The following RBP7 variants were observed in gnomAD, a reference collection of about 807,000 sequenced individuals.
RBP7 encodes the protein retinol binding protein 7, also known as retinoid-binding protein 7.
A neutral mutation model predicts 16.7 loss-of-function variants in RBP7; 13 were observed. The observed-to-expected ratio is 0.78, with a 90% CI of 0.51 to 1.24. The LOEUF (loss-of-function observed/expected upper bound fraction) is 1.24, where lower values mean the gene tolerates loss of function less well. Ranked by LOEUF, RBP7 falls within the 50% of genes most tolerant of loss-of-function variation. The pLI is 0.00. For missense variants in RBP7, 145 were observed against 159.5 expected (o/e 0.91, Z 0.49); for synonymous variants, 54 against 56.2 (o/e 0.96, Z 0.17).
intron 1 of RBP7, among the ~76,000 whole-genome samples, chr1:10,005,587 G>T (rs373941404): frequency 6.8e-6 from 1 of 147,998 alleles, no homozygotes; most frequent in Non-Finnish European, 1.5e-5. Context: ...TTTTTGAGAC[G>T]GAGTCTTGCT....
At position 10,008,247 on chromosome 1, in the gene RBP7, T is replaced by C; in HGVS notation, c.327T>C (p.His109=). 1.2e-6 allele frequency: 2 copies of C among 1,612,108 alleles called. No individual in the cohort carries two copies. The highest frequency in any genetic ancestry group is 1.7e-6 in the Non-Finnish European group (2 of 1,178,542). ...AAAAGAAGAACAGAGGCTGGACCCA[T>C]TGGATCGAAGGAGACAAACTCCACC... is the stretch of plus-strand genomic sequence containing the variant. ...KGEKKNRGWT[H]WIEGDKLHLE... is the part of the protein sequence containing the mutation. The change falls in exon 3 of 4, where the codon CAT becomes CAC. Residue 109 remains histidine, a synonymous_variant. Transcript: ENST00000294435.
rs1642193234 is a variant in RBP7 at position 9,997,384 on chromosome 1, T to C, written c.73+53T>C. On this transcript the variant is annotated intron_variant, in intron 1 of 3. Transcript: ENST00000294435. This position sits in a 1 kb window ranked among gnomAD's most constrained non-coding sequence, Gnocchi z 5.9. Reference sequence around the variant, plus strand: ...GCGAGGCTCGCCGTGGGTCTCGGGATCAGGCGAAGGCGGCCGGGCCGGGCC... The same window carrying C: ...GCGAGGCTCGCCGTGGGTCTCGGGACCAGGCGAAGGCGGCCGGGCCGGGCC... The C allele has an allele frequency of 3.2e-6, 5 of 1,569,288 alleles. No homozygotes were observed. Among genetic ancestry groups the C allele is most frequent in the Middle Eastern group, 3.5e-4 (2 of 5,788 alleles).
chr1:10,014,948 C>T (rs1642738328), intron 3 of RBP7, among the ~76,000 whole-genome samples: 2 of 152,084 alleles, frequency 1.3e-5, no homozygotes, highest in Non-Finnish European at 2.9e-5. Context: ...ATTAAATTGG[C>T]TTACTGGACA....
chr1:10,011,795 G>A (rs1418818289), intron 3 of RBP7, among the ~76,000 whole-genome samples: 4 of 152,178 alleles, frequency 2.6e-5, no homozygotes, highest in African/African-American at 9.6e-5. Context: ...ACGGGTTCAC[G>A]CCTGTAATCC....
Position 9,997,339 on chromosome 1 carries a change from G to T in RBP7, c.73+8G>T, listed in dbSNP as rs770377172. 4.3e-6 allele frequency: 7 copies of T among 1,609,756 alleles called. No individual in the cohort carries two copies. The highest frequency in any genetic ancestry group is 5.9e-6 in the Non-Finnish European group (7 of 1,178,496). ...GCTACATGCTGGCCCTAGGTAAGGCGGAGGGGAGGCGGCGGCGGCGCGAGG... is the reference window on the plus strand; with the variant it reads ...GCTACATGCTGGCCCTAGGTAAGGCTGAGGGGAGGCGGCGGCGGCGCGAGG... On this transcript the variant is annotated splice_region_variant and intron_variant, in intron 1 of 3. Coordinates refer to ENST00000294435, the MANE Select transcript of RBP7 (RefSeq NM_052960.3). The surrounding 1 kb of genome is among the most constrained non-coding windows in gnomAD (Gnocchi z 5.9).
At position 9,997,287 on chromosome 1, in the gene RBP7, C is replaced by T; in HGVS notation, c.29C>T (p.Thr10Ile). 2 of 1,611,108 alleles carry T rather than the reference C, an allele frequency of 1.2e-6. No individual in the cohort carries two copies. The highest frequency in any genetic ancestry group is 1.7e-6 in the Non-Finnish European group (2 of 1,179,048). MPADLSGTW[T>I]LLSSDNFEGY... ...CCCGCCGACCTCAGCGGTACTTGGA[C>T]CCTGCTCAGCAGCGACAACTTCGAG... The change falls in exon 1 of 4, where the codon ACC becomes ATC. Residue 10 changes from threonine (T) to isoleucine (I), a missense_variant. By Grantham distance (89) the Thr-to-Ile change is moderately conservative. Transcript: ENST00000294435. This position sits in a 1 kb window ranked among gnomAD's most constrained non-coding sequence, Gnocchi z 5.9.
intron 3 of RBP7, among the ~76,000 whole-genome samples, chr1:10,012,980 A>G (rs919607953): frequency 3.3e-5 from 5 of 150,964 alleles, no homozygotes; most frequent in African/African-American, 1.2e-4. Flanking sequence ...AAATGTGTAC[A>G]TCCTTCTCTA....
At chr1:10,009,359 AAG>A (rs1429147374) in intron 3 of RBP7, among the ~76,000 whole-genome samples, 1 of 151,994 alleles carries the variant, frequency 6.6e-6, no homozygotes, top group Non-Finnish European at 1.5e-5. Context: ...GCAGTGAGCC[AAG>A]ATCGCACCAC....
At position 10,011,327 on chromosome 1, in the gene RBP7, G is replaced by A. The variant is rs530219878; in HGVS notation, c.354+3053G>A. On this transcript the variant is annotated intron_variant, in intron 3 of 3. Transcript: ENST00000294435. ...AACAGGGAAGTGAGTCTGTAATTAA[G>A]ATCAACAGTAGAGGGAAGTCTTCTC... Among the ~76,000 whole-genome samples the A allele has an allele frequency of 2.0e-4, 30 of 152,226 alleles. No individual in the cohort carries two copies. In the South Asian group the frequency reaches 5.0e-3, roughly 25 times the overall value.
intron 2 of RBP7, 38 bp from the exon 3 acceptor site, chr1:10,008,135 G>T (rs776388238): frequency 3.0e-6 from 4 of 1,350,838 alleles, no homozygotes; most frequent in Non-Finnish European, 4.3e-6. Context: ...TGAGGATCCT[G>T]CCAGGACAAG....
At chr1:10,010,571 C>G in intron 3 of RBP7, among the ~76,000 whole-genome samples, 1 of 151,636 alleles carries the variant, frequency 6.6e-6, no homozygotes, top group Non-Finnish European at 1.5e-5. Context: ...CACCCGCCAC[C>G]ATGCCCAGCT....
At position 10,008,199 on chromosome 1, in the gene RBP7, G is replaced by T. The variant is rs1642502047; in HGVS notation, c.279G>T (p.Arg93Ser). ...GTTTGGTTATCTGGGACAATGACAG[G>T]CTCACCTGTATCCAGAAGGGAGAAA... ...CKSLVIWDND[R>S]LTCIQKGEKK... Residue 93 changes from arginine (R) to serine (S), a missense_variant, in exon 3 of 4, where the codon AGG (arginine) becomes AGT (serine). Physicochemically the swap from Arg to Ser is moderately radical, Grantham distance 110. Coordinates refer to ENST00000294435, the MANE Select transcript of RBP7 (RefSeq NM_052960.3). 6 of 1,612,540 alleles carry T rather than the reference G, an allele frequency of 3.7e-6. No individual in the cohort carries two copies. The highest frequency in any genetic ancestry group is 5.1e-6 in the Non-Finnish European group (6 of 1,178,940).
intron 1 of RBP7, among the ~76,000 whole-genome samples, chr1:10,004,504 T>TTGCC (rs1368847791): frequency 4.0e-5 from 6 of 151,474 alleles, no homozygotes; most frequent in African/African-American, 1.5e-4. Context: ...GCCTCTGGAG[T>TTGCC]AGCTGGGATT....
chr1:10,000,542 T>C (rs1043998719), intron 1 of RBP7, among the ~76,000 whole-genome samples: 1 of 150,136 alleles, frequency 6.7e-6, no homozygotes, highest in Non-Finnish European at 1.5e-5. Context: ...TCAAAAAAAA[T>C]AAGTCAATAA....
chr1:10,007,273 A>C (rs994796055), intron 1 of RBP7: 28 of 321,228 alleles, frequency 8.7e-5, no homozygotes, highest in Middle Eastern at 2.1e-3. Context: ...TTATAGAGAC[A>C]GGGTCTTGCT....
intron 3 of RBP7, among the ~76,000 whole-genome samples, chr1:10,011,851 G>A (rs1360828199): frequency 1.3e-5 from 2 of 152,100 alleles, no homozygotes; most frequent in Admixed American, 6.6e-5. Flanking sequence ...GAGGTCAGGA[G>A]TTCGAGACCA....
intron 3 of RBP7, among the ~76,000 whole-genome samples, chr1:10,012,740 C>A (rs1375594223): frequency 6.6e-6 from 1 of 151,826 alleles, no homozygotes; most frequent in East Asian, 1.9e-4. Context: ...TCGAGACCAG[C>A]CTGGCCAGCA....
chr1:10,000,059 C>G (rs1035671484), intron 1 of RBP7, among the ~76,000 whole-genome samples: 6 of 149,764 alleles, frequency 4.0e-5, no homozygotes, highest in African/African-American at 1.5e-4. Flanking sequence ...GAAGCCCCAC[C>G]TCTACTAAAA....
In RBP7 at chr1:10,008,092, C is replaced by A. The variant is rs1642500234; in HGVS notation, c.253-81C>A. The stretch of plus-strand genomic sequence containing the variant: ...AGCAGTAAGTAGGCTGTTGATTTTG[C>A]AAGGGTAACTTGGCATTCTACTTCG... On this transcript the variant is annotated intron_variant, in intron 2 of 3. Coordinates refer to ENST00000294435, the MANE Select transcript of RBP7 (RefSeq NM_052960.3). The A allele has an allele frequency of 3.4e-6, 3 of 885,876 alleles. 1 individual carries two copies. The highest frequency in any genetic ancestry group is 3.4e-5 in the African/African-American group (2 of 58,716). The allele number at this position is 885,876 out of a possible 1,614,324, so 54.9% of individuals were successfully genotyped here.
Sources: gnomAD v4.1 joint callset for allele counts (sites outside exome capture counted in the v4.1 genomes callset) on GRCh38, gnomAD v4.1.1 for gene constraint, Gnocchi (gnomAD v3.1) non-coding constraint, MANE v1.5 for transcripts, NCBI Gene and HGNC (gene_info 2026-07-23, HGNC 2026-07-21) for gene names.